PRICKLE2: variants seen among roughly 807,000 people sequenced by gnomAD.
PRICKLE2 encodes the protein prickle planar cell polarity protein 2.
In PRICKLE2, 21 loss-of-function variants were observed where a neutral mutation model predicts 81.4. The ratio of observed to expected loss-of-function variants is 0.26; its 90% CI spans 0.18 to 0.37. The LOEUF is 0.37. Ranked by LOEUF, PRICKLE2 falls within the 10% of genes least tolerant of loss-of-function variation. The probability of loss-of-function intolerance (pLI) is 1.00; values close to 1 mark genes in which losing one functional copy is unlikely to be tolerated. For missense variants in PRICKLE2, 940 were observed against 1,109.0 expected (o/e 0.85, Z 2.16); for synonymous variants, 456 against 421.5 (o/e 1.08, Z -1.00).
chr3:64,247,985 C>T (rs996350252), intron 2 of PRICKLE2, among the ~76,000 whole-genome samples: 5 of 152,054 alleles, frequency 3.3e-5, no homozygotes, highest in Admixed American at 2.6e-4. Flanking sequence ...TAACATCTTC[C>T]CCATGCTGGG....
At position 64,258,584 on chromosome 3, in the gene PRICKLE2, G is replaced by T. The variant is rs541295488; in HGVS notation, c.129-59617C>A. 3.3e-5 allele frequency among the ~76,000 whole-genome samples: 5 copies of T among 152,104 alleles called. No individual in the cohort carries two copies. In the South Asian group the frequency reaches 6.2e-4, roughly 19 times the overall value. ...GCCTGTAATCCCAGCACTTTGGGAG[G>T]CCAAGGCAGGTGGATCATGAGGTCA... On this transcript the variant is annotated intron_variant, in intron 2 of 8. Coordinates refer to the PRICKLE2 transcript ENST00000295902.
chr3:64,125,433 C>T (rs2077091408), intron 7 of PRICKLE2, among the ~76,000 whole-genome samples: 1 of 152,158 alleles, frequency 6.6e-6, no homozygotes, highest in African/African-American at 2.4e-5. Context: ...TCACATACTA[C>T]AGAGAAATCT....
At chr3:64,140,291 C>G (rs988764881) in intron 7 of PRICKLE2, among the ~76,000 whole-genome samples, 1 of 152,164 alleles carries the variant, frequency 6.6e-6, no homozygotes, top group Admixed American at 6.5e-5. Context: ...GGTCTACAGC[C>G]CATGCTCTCA....
At chr3:64,162,387 A>G (rs2077749321) in intron 3 of PRICKLE2, among the ~76,000 whole-genome samples, 1 of 152,058 alleles carries the variant, frequency 6.6e-6, no homozygotes, top group Non-Finnish European at 1.5e-5. Flanking sequence ...TTTATGAGCA[A>G]TCAGATTTCG....
rs539345400 is a variant in PRICKLE2, at chr3:64,144,410, G to A, written c.1660+2420C>T. 7.9e-5 allele frequency among the ~76,000 whole-genome samples: 12 copies of A among 152,292 alleles called. No homozygotes were observed. In the South Asian group the frequency reaches 1.2e-3, roughly 16 times the overall value. ...AATTAAGCAAGCTAATATTTATGAC[G>A]TGCTCAGAACAATGTTTGACACATT... On this transcript the variant is annotated intron_variant, in intron 7 of 7. Transcript: ENST00000638394.
intron 2 of PRICKLE2, among the ~76,000 whole-genome samples, chr3:64,165,495 G>A (rs1198886033): frequency 2.0e-5 from 3 of 152,116 alleles, no homozygotes; most frequent in Non-Finnish European, 4.4e-5. Context: ...ATACTATCAA[G>A]CCTGGCCTAC....
At chr3:64,212,262 C>T (rs1308083104) in intron 1 of PRICKLE2, among the ~76,000 whole-genome samples, 2 of 152,212 alleles carry the variant, frequency 1.3e-5, no homozygotes, top group African/African-American at 4.8e-5. Context: ...GTTGGTTACT[C>T]CTTCTAGATA....
intron 7 of PRICKLE2, among the ~76,000 whole-genome samples, chr3:64,103,789 G>T (rs1354423153): frequency 6.6e-6 from 1 of 152,070 alleles, no homozygotes; most frequent in African/African-American, 2.4e-5. Context: ...AGACAAACCT[G>T]GGCAACATGG....
chr3:64,239,893 T>C (rs1328836370), intron 2 of PRICKLE2, among the ~76,000 whole-genome samples: 2 of 146,696 alleles, frequency 1.4e-5, no homozygotes, highest in South Asian at 2.1e-4. Flanking sequence ...GGCAGGTAGA[T>C]TGCTTGAGCC....
At chr3:64,218,926 T>C (rs922415931) in intron 1 of PRICKLE2, among the ~76,000 whole-genome samples, 7 of 152,166 alleles carry the variant, frequency 4.6e-5, no homozygotes, top group African/African-American at 1.7e-4. Flanking sequence ...TCTAGCACTC[T>C]GTAGGATGCT....
At chr3:64,163,816 C>T (rs1373215471) in intron 2 of PRICKLE2, 1 of 152,290 alleles carries the variant, frequency 6.6e-6, no homozygotes, top group Non-Finnish European at 1.5e-5. Context: ...GGGGAAAGCA[C>T]CAAGCAGCTA....
chr3:64,206,784 A>G (rs537166805), intron 1 of PRICKLE2, among the ~76,000 whole-genome samples: 1 of 152,360 alleles, frequency 6.6e-6, no homozygotes, highest in Non-Finnish European at 1.5e-5. Context: ...AGGTGGGAAA[A>G]CACACTTTTG....
rs2106928893 is a variant in PRICKLE2 at position 64,094,485 on chromosome 3, T to G, written c.*4566A>C. The G allele has an allele frequency of 6.6e-6, 1 of 152,332 alleles. No individual in the cohort carries two copies. Among genetic ancestry groups the G allele is most frequent in the East Asian group, 1.9e-4 (1 of 5,180 alleles). 9.4% of individuals were successfully genotyped at this position (152,332 alleles called of 1,614,324 possible). On this transcript the variant is annotated 3_prime_UTR_variant, in exon 8 of 8. Transcript: ENST00000638394. Reference sequence around the variant, plus strand: ...ATTCATCGTATTCAAAACACAGGAATGTTTTCCTAACACTATGTGACTTTC... The same window carrying G: ...ATTCATCGTATTCAAAACACAGGAAGGTTTTCCTAACACTATGTGACTTTC...
intron 3 of PRICKLE2, among the ~76,000 whole-genome samples, 183 bp from the exon 4 acceptor site, chr3:64,160,260 T>G (rs1352437684): frequency 6.6e-6 from 1 of 152,182 alleles, no homozygotes; most frequent in Non-Finnish European, 1.5e-5. Flanking sequence ...GAGTCTCTAC[T>G]AAGATTGCGG....
rs373467912 is a variant in PRICKLE2, at chr3:64,247,557, T to C, written c.129-48590A>G. On this transcript the variant is annotated intron_variant, in intron 2 of 8. Coordinates refer to the PRICKLE2 transcript ENST00000295902. Reference sequence around the variant, plus strand: ...GGTGGATTCTTTTGAATCCATTGTTTAGCTATGCAAAATTTTTCAGCAATT... The same window carrying C: ...GGTGGATTCTTTTGAATCCATTGTTCAGCTATGCAAAATTTTTCAGCAATT... Among the ~76,000 whole-genome samples, 48 of 152,358 alleles carry C rather than the reference T, an allele frequency of 3.2e-4. No individual in the cohort carries two copies. In the East Asian group the frequency reaches 6.7e-3, roughly 21 times the overall value.
At chr3:64,143,839 C>T (rs951160897) in intron 7 of PRICKLE2, among the ~76,000 whole-genome samples, 5 of 152,200 alleles carry the variant, frequency 3.3e-5, no homozygotes, top group Non-Finnish European at 5.9e-5. Flanking sequence ...AATTATAGCA[C>T]ATAAATCTTT....
At position 64,243,437 on chromosome 3, in the gene PRICKLE2, C is replaced by A. The variant is rs80309313; in HGVS notation, c.129-44470G>T. On this transcript the variant is annotated intron_variant, in intron 2 of 8. Transcript: ENST00000295902. ...ATATTCTTGACGGACAAAATTGCCC[C>A]CCTTGGGAACCAGTGGTCTAGAATC... 8.4e-3 allele frequency among the ~76,000 whole-genome samples: 1,277 copies of A among 152,266 alleles called. 21 individuals carry two copies. The highest frequency in any genetic ancestry group is 0.026 in the African/African-American group (1,090 of 41,534).
intron 2 of PRICKLE2, among the ~76,000 whole-genome samples, chr3:64,260,699 G>A (rs183425059): frequency 3.0e-4 from 46 of 152,170 alleles, no homozygotes; most frequent in Middle Eastern, 3.4e-3. Context: ...TTTAGAATAC[G>A]CAACCCTTTG....
intron 2 of PRICKLE2, among the ~76,000 whole-genome samples, chr3:64,243,751 G>C (rs2079304462): frequency 6.6e-6 from 1 of 152,198 alleles, no homozygotes; most frequent in African/African-American, 2.4e-5. Flanking sequence ...AACGATGTTA[G>C]AAGATGACAG....
Sources: allele counts gnomAD v4.1 joint callset (sites outside exome capture counted in the v4.1 genomes callset), GRCh38; gene constraint gnomAD v4.1.1; transcripts MANE v1.5; gene names NCBI Gene and HGNC (gene_info 2026-07-23, HGNC 2026-07-21).